The following HSPA4L variants were observed in gnomAD, a reference collection of about 807,000 sequenced individuals.
HSPA4L encodes heat shock protein family A (Hsp70) member 4 like.
HSPA4L carries 48 observed loss-of-function variants against 100.3 expected under a neutral mutation model. That is an observed-to-expected ratio of 0.48 (90% confidence interval 0.38 to 0.61). The LOEUF (loss-of-function observed/expected upper bound fraction) is 0.61, where lower values mean the gene tolerates loss of function less well. HSPA4L is among the 20% of genes least tolerant of loss of function. The pLI is 0.00. For missense variants in HSPA4L, 886 were observed against 988.6 expected (o/e 0.90, Z 1.39); for synonymous variants, 319 against 328.2 (o/e 0.97, Z 0.30).
intron 12 of HSPA4L, among the ~76,000 whole-genome samples, chr4:127,813,841 T>A (rs1014732030): frequency 6.6e-6 from 1 of 152,176 alleles, no homozygotes; most frequent in Non-Finnish European, 1.5e-5. Context: ...AGACGGGGTT[T>A]CACTGTGTTA....
chr4:127,823,443 T>G, intron 15 of HSPA4L, 74 bp from the exon 16 acceptor site: 1 of 1,035,332 alleles, frequency 9.7e-7, no homozygotes, highest in Admixed American at 1.9e-5. Context: ...GGCACTGCAC[T>G]GCACTGAGCC....
At chr4:127,812,372 G>A (rs1454948343) in intron 12 of HSPA4L, among the ~76,000 whole-genome samples, 1 of 147,428 alleles carries the variant, frequency 6.8e-6, no homozygotes, top group Non-Finnish European at 1.5e-5. Context: ...TCGCACCACT[G>A]CACTCCAGCC....
chr4:127,818,454 T>C, intron 13 of HSPA4L, 34 bp downstream of exon 13: 1 of 1,311,586 alleles, frequency 7.6e-7, no homozygotes, highest in Non-Finnish European at 1.1e-6. Flanking sequence ...TATGTCTTTT[T>C]GAAATTGATA....
At position 127,833,397 on chromosome 4, in the gene HSPA4L, C is replaced by A. The variant is rs1410591336; in HGVS notation, c.*523C>A. On this transcript the variant is annotated 3_prime_UTR_variant, in exon 19 of 19. Coordinates refer to ENST00000296464, the MANE Select transcript of HSPA4L (RefSeq NM_014278.4). ...CAAATTAGTCCATCTCATTGATGTA[C>A]CACAGAAATCCAAAGCTTTGCTGTC... 6.6e-6 allele frequency: 1 copy of A among 152,432 alleles called. No homozygotes were observed. The highest frequency in any genetic ancestry group is 1.5e-5 in the Non-Finnish European group (1 of 68,012). 9.4% of individuals were successfully genotyped at this position (152,432 alleles called of 1,614,324 possible). A position where few individuals can be genotyped will look rare whatever the true frequency, so the allele number is the denominator to read the frequency against.
chr4:127,813,861 G>A (rs892823090), intron 12 of HSPA4L, among the ~76,000 whole-genome samples: 12 of 152,152 alleles, frequency 7.9e-5, no homozygotes, highest in African/African-American at 2.7e-4. Context: ...AGCCGGGATG[G>A]TCTTGATCTC....
At chr4:127,799,335 G>A (rs1489966050) in intron 4 of HSPA4L, among the ~76,000 whole-genome samples, 1 of 151,850 alleles carries the variant, frequency 6.6e-6, no homozygotes, top group Non-Finnish European at 1.5e-5. Flanking sequence ...AAATATTAGA[G>A]CTTAATATTT....
At position 127,832,979 on chromosome 4, in the gene HSPA4L, T is replaced by C; in HGVS notation, c.*105T>C. 2.5e-6 allele frequency: 2 copies of C among 788,272 alleles called. No homozygotes were observed. Among genetic ancestry groups the C allele is most frequent in the Admixed American group, 3.2e-5 (1 of 31,106 alleles). The allele number at this position is 788,272 out of a possible 1,614,324, so 48.8% of individuals were successfully genotyped here. ...GACGCTCAGTTGTTCTTAACCACTT[T>C]TGTCATTTGTTTTTTGGAGTAGTTT... is the stretch of plus-strand genomic sequence containing the variant. On this transcript the variant is annotated 3_prime_UTR_variant, in exon 19 of 19. Transcript: ENST00000296464.
chr4:127,814,591 G>A (rs1343744683), intron 12 of HSPA4L, among the ~76,000 whole-genome samples: 2 of 150,274 alleles, frequency 1.3e-5, no homozygotes, highest in African/African-American at 2.5e-5. Flanking sequence ...TTTTTGAGAC[G>A]GAGTCTCGCT....
intron 5 of HSPA4L, 119 bp downstream of exon 5, chr4:127,801,356 G>A: frequency 1.4e-6 from 1 of 710,942 alleles, no homozygotes; most frequent in Non-Finnish European, 2.3e-6. Flanking sequence ...TTGAGCCTGG[G>A]AGTTGAAAGC....
rs774485499 is a variant in HSPA4L, at chr4:127,811,390, A to C, written c.1379-47A>C. ...GCCAAATTATTCAATGAATTGAATA[A>C]GTTAATCTGAGGCTCACATACTGAT... On this transcript the variant is annotated intron_variant, in intron 11 of 18. Coordinates refer to ENST00000296464, the MANE Select transcript of HSPA4L (RefSeq NM_014278.4). The C allele has an allele frequency of 3.6e-6, 5 of 1,381,278 alleles. No individual in the cohort carries two copies. In the South Asian group the frequency reaches 6.0e-5, roughly 17 times the overall value. The allele number at this position is 1,381,278 out of a possible 1,614,324, so 85.6% of individuals were successfully genotyped here.
chr4:127,794,605 A>T (rs1732969662), intron 2 of HSPA4L, among the ~76,000 whole-genome samples: 2 of 152,118 alleles, frequency 1.3e-5, no homozygotes, highest in African/African-American at 4.8e-5. Context: ...TTATGATTAG[A>T]ACGTTGACTT....
intron 11 of HSPA4L, 99 bp downstream of exon 11, chr4:127,808,228 A>G (rs1489655376): frequency 1.0e-6 from 1 of 968,912 alleles, no homozygotes; most frequent in Non-Finnish European, 1.5e-6. Flanking sequence ...CTAAGCCAGT[A>G]TGGGACTTTT....
chr4:127,820,417 C>A lies in HSPA4L; in HGVS notation c.1675-11C>A, dbSNP rs772221304. On this transcript the variant is annotated splice_polypyrimidine_tract_variant and intron_variant, in intron 13 of 18. Coordinates refer to ENST00000296464, the MANE Select transcript of HSPA4L (RefSeq NM_014278.4). ...ATTTTAGAAATTTATACTTCTCTTT[C>A]GGATTTGCAGTCAGCTGTCTCAGAC... is the stretch of plus-strand genomic sequence containing the variant. 7.7e-6 allele frequency: 12 copies of A among 1,565,098 alleles called. No individual in the cohort carries two copies. The highest frequency in any genetic ancestry group is 1.4e-5 in the African/African-American group (1 of 71,976).
Position 127,832,780 on chromosome 4 carries a change from C to CA in HSPA4L, c.2428dup (p.Met810AsnfsTer8). ...AAAGCTAATAGTGAACACAATGGCC[C>CA]AATGGATGGACAGAGTGGAACTGAA... On this transcript the variant is annotated frameshift_variant, in exon 19 of 19. Coordinates refer to ENST00000296464, the MANE Select transcript of HSPA4L (RefSeq NM_014278.4). LOFTEE classifies it high-confidence loss of function. 6.2e-7 allele frequency: 1 copy of CA among 1,613,624 alleles called. No individual in the cohort carries two copies. The highest frequency in any genetic ancestry group is 8.5e-7 in the Non-Finnish European group (1 of 1,179,672).
chr4:127,783,611 T>C, intron 1 of HSPA4L: 2 of 1,534,748 alleles, frequency 1.3e-6, no homozygotes, highest in Non-Finnish European at 1.7e-6. Context: ...TTGCTGCTTA[T>C]AGGCTGCTGT....
intron 12 of HSPA4L, among the ~76,000 whole-genome samples, chr4:127,814,074 T>C (rs1170157561): frequency 6.6e-6 from 1 of 152,176 alleles, no homozygotes; most frequent in African/African-American, 2.4e-5. Flanking sequence ...GCAGTTCTTA[T>C]TTGCTGCTTC....
In HSPA4L at chr4:127,830,789, C is replaced by A; in HGVS notation, c.2318C>A (p.Ala773Glu). Reference protein sequence around the residue: ...DPVVKVSEIVAKSKELDNFCN... With the variant: ...DPVVKVSEIVEKSKELDNFCN... ...GTGGTAAAAGTTTCAGAAATAGTAG[C>A]AAAGTCAAAGGTAAGAAGTTTATGA... The change falls in exon 18 of 19, where the codon GCA (alanine) becomes GAA (glutamate). Residue 773 changes from alanine (A) to glutamate (E), a missense_variant. By Grantham distance (107) the Ala-to-Glu change is moderately radical (BLOSUM62 -1). Transcript: ENST00000296464. 1 of 1,582,384 alleles carries A rather than the reference C, an allele frequency of 6.3e-7. No homozygotes were observed. The highest frequency in any genetic ancestry group is 8.6e-7 in the Non-Finnish European group (1 of 1,167,842).
At chr4:127,799,369 G>A (rs1269205466) in intron 4 of HSPA4L, among the ~76,000 whole-genome samples, 3 of 151,970 alleles carry the variant, frequency 2.0e-5, no homozygotes, top group Non-Finnish European at 4.4e-5. Context: ...TTTAGTAATA[G>A]CAAATAATAG....
rs1237772126 is a variant in HSPA4L at position 127,823,549 on chromosome 4, CA to C, written c.1972del (p.Thr658GlnfsTer24). The C allele has an allele frequency of 6.2e-6, 10 of 1,612,942 alleles. No homozygotes were observed. Among genetic ancestry groups the C allele is most frequent in the Non-Finnish European group, 8.5e-6 (10 of 1,179,172 alleles). ...GTAAACTGTCTGCAGTATTGGAAGACACAGAAAATTGGCTTTATGAAGACGG... is the reference window on the plus strand; with the variant it reads ...GTAAACTGTCTGCAGTATTGGAAGACCAGAAAATTGGCTTTATGAAGACGG... Reference protein sequence around the residue: ...LSKLSAVLEDTENWLYEDGED... With the variant: ...LSKLSAVLEDXENWLYEDGED... On this transcript the variant is annotated frameshift_variant, in exon 16 of 19. Transcript: ENST00000296464. LOFTEE classifies it high-confidence loss of function.
Sources: gnomAD v4.1 joint callset for allele counts (sites outside exome capture counted in the v4.1 genomes callset) on GRCh38, gnomAD v4.1.1 for gene constraint, MANE v1.5 for transcripts, NCBI Gene and HGNC (gene_info 2026-07-23, HGNC 2026-07-21) for gene names.